Variants in PARP8 observed in about 807,000 individuals in gnomAD.
PARP8 encodes the protein poly(ADP-ribose) polymerase family member 8, also known as protein mono-ADP-ribosyltransferase PARP8.
PARP8 carries 51 observed loss-of-function variants against 124.1 expected under a neutral mutation model. The ratio of observed to expected loss-of-function variants is 0.41; its 90% CI spans 0.33 to 0.52. The LOEUF is 0.52. PARP8 is among the 20% of genes least tolerant of loss of function. The pLI is 0.21. For synonymous variants in PARP8, 391 were observed against 361.5 expected (o/e 1.08, Z -0.93); for missense variants, 860 against 1,018.9 (o/e 0.84, Z 2.12).
chr5:50,701,710 A>G (rs1360947407), intron 2 of PARP8, among the ~76,000 whole-genome samples: 3 of 152,064 alleles, frequency 2.0e-5, no homozygotes, highest in Non-Finnish European at 2.9e-5. Context: ...AAAATAAACT[A>G]TTTGCTTTTC....
At chr5:50,669,162 A>T (rs931460354) in intron 2 of PARP8, 12 of 152,346 alleles carry the variant, frequency 7.9e-5, no homozygotes, top group African/African-American at 2.9e-4. Context: ...CCTAAGCCCC[A>T]GAATTAGCAC....
At chr5:50,750,619 T>G (rs1759135501) in intron 3 of PARP8, among the ~76,000 whole-genome samples, 1 of 152,136 alleles carries the variant, frequency 6.6e-6, no homozygotes, top group Non-Finnish European at 1.5e-5. Flanking sequence ...AGTTCATAGT[T>G]TGGTATGGAG....
At chr5:50,803,765 G>A (rs980888912) in intron 14 of PARP8, among the ~76,000 whole-genome samples, 3 of 152,058 alleles carry the variant, frequency 2.0e-5, no homozygotes, top group Admixed American at 1.3e-4. Flanking sequence ...TTTAAAGTTT[G>A]TGTCTAGTAA....
intron 2 of PARP8, among the ~76,000 whole-genome samples, chr5:50,676,348 T>A (rs1192614273): frequency 6.6e-6 from 1 of 152,272 alleles, no homozygotes; most frequent in African/African-American, 2.4e-5. Context: ...TTTGGTTAAC[T>A]GGCATTTGGC....
chr5:50,683,152 C>CCT (rs1751479371), intron 2 of PARP8, among the ~76,000 whole-genome samples: 1 of 152,096 alleles, frequency 6.6e-6, no homozygotes, highest in African/African-American at 2.4e-5. Flanking sequence ...AATTGGAAGC[C>CCT]CTCTACCTAG....
In PARP8 at chr5:50,666,686, G is replaced by A. The variant is rs2112159250; in HGVS notation, c.-410G>A. The A allele has an allele frequency of 5.4e-6, 1 of 184,556 alleles. No homozygotes were observed. The highest frequency in any genetic ancestry group is 2.4e-5 in the African/African-American group (1 of 41,888). The allele number at this position is 184,556 out of a possible 1,614,324, so 11.4% of individuals were successfully genotyped here. A position where few individuals can be genotyped will look rare whatever the true frequency, so the allele number is the denominator to read the frequency against. On this transcript the variant is annotated 5_prime_UTR_variant, in exon 1 of 26. Transcript: ENST00000281631. ...GAGGGGTGTGCGCGCGTGAGCCGGAGCGGGGCTCGCCCCTCGCCGGCGCCC... is the reference window on the plus strand; with the variant it reads ...GAGGGGTGTGCGCGCGTGAGCCGGAACGGGGCTCGCCCCTCGCCGGCGCCC...
chr5:50,693,131 A>AT (rs1752670517), intron 2 of PARP8, among the ~76,000 whole-genome samples: 1 of 152,188 alleles, frequency 6.6e-6, no homozygotes, highest in Non-Finnish European at 1.5e-5. Flanking sequence ...TGAAAGGTGT[A>AT]TTTTAAATGC....
chr5:50,681,815 C>T (rs1041002203), intron 2 of PARP8, among the ~76,000 whole-genome samples: 1 of 152,002 alleles, frequency 6.6e-6, no homozygotes, highest in South Asian at 2.1e-4. Context: ...GCACTTCAAG[C>T]CCTCATCTCT....
chr5:50,761,667 C>G (rs999483092), intron 5 of PARP8, among the ~76,000 whole-genome samples, 154 bp from the exon 6 acceptor site: 1 of 152,032 alleles, frequency 6.6e-6, no homozygotes, highest in African/African-American at 2.4e-5. Context: ...ATTTGTCTCC[C>G]ACTACCTTTT....
At chr5:50,718,747 T>G (rs1179311492) in intron 2 of PARP8, among the ~76,000 whole-genome samples, 1 of 152,080 alleles carries the variant, frequency 6.6e-6, no homozygotes, top group Non-Finnish European at 1.5e-5. Flanking sequence ...TACTTCCATA[T>G]CTTGGCTATT....
intron 25 of PARP8, 125 bp downstream of exon 25, chr5:50,835,140 A>G (rs1475671913): frequency 4.3e-6 from 3 of 691,216 alleles, no homozygotes; most frequent in African/African-American, 1.8e-5. Flanking sequence ...AACATCAACT[A>G]ATGTTTTTGT....
chr5:50,758,978 G>A, intron 3 of PARP8, among the ~76,000 whole-genome samples: 1 of 152,172 alleles, frequency 6.6e-6, no homozygotes, highest in Non-Finnish European at 1.5e-5. Context: ...ATAATTGTGA[G>A]ACTTTATCAA....
rs768257530 is a variant in PARP8 at position 50,759,692 on chromosome 5, T to G, written c.234T>G (p.Thr78=). Residue 78 remains threonine (T), a synonymous_variant, in exon 4 of 26, where the codon ACT becomes ACG. Coordinates refer to ENST00000281631, the MANE Select transcript of PARP8 (RefSeq NM_024615.4). The stretch of plus-strand genomic sequence containing the variant: ...AGAATGATGAAGATGTGCTAGTTAC[T>G]ACAGAGCCAATACCAGTAATTTTTC... The part of the protein sequence containing the change: ...SSENDEDVLV[T]TEPIPVIFHR... The G allele has an allele frequency of 2.5e-6, 4 of 1,581,780 alleles. No individual in the cohort carries two copies. Among genetic ancestry groups the G allele is most frequent in the Non-Finnish European group, 3.4e-6 (4 of 1,167,148 alleles).
At chr5:50,776,516 C>A (rs1318207465) in intron 7 of PARP8, among the ~76,000 whole-genome samples, 1 of 152,096 alleles carries the variant, frequency 6.6e-6, no homozygotes, top group Non-Finnish European at 1.5e-5. Context: ...AATACCTATG[C>A]AAATCATTTT....
chr5:50,745,106 T>C (rs1420281908), intron 2 of PARP8: 1 of 215,304 alleles, frequency 4.6e-6, no homozygotes, highest in East Asian at 9.6e-5. Context: ...ACTGAGAAAA[T>C]GCTGTCGCAC....
chr5:50,716,328 A>G (rs562490738), intron 2 of PARP8, among the ~76,000 whole-genome samples: 2 of 152,214 alleles, frequency 1.3e-5, no homozygotes, highest in South Asian at 2.1e-4. Context: ...TTAATGATCT[A>G]ATTGGCTTTT....
At chr5:50,827,119 A>G (rs961770585) in intron 19 of PARP8, among the ~76,000 whole-genome samples, 1 of 152,144 alleles carries the variant, frequency 6.6e-6, no homozygotes, top group African/African-American at 2.4e-5. Context: ...GTGCTTTATA[A>G]TCGTTGTCAG....
intron 2 of PARP8, among the ~76,000 whole-genome samples, chr5:50,732,915 G>A (rs947659314): frequency 2.0e-5 from 3 of 151,692 alleles, no homozygotes; most frequent in Non-Finnish European, 2.9e-5. Context: ...ACCGCGACCA[G>A]CCGTATCTTT....
At chr5:50,733,905 T>A (rs750758336) in intron 2 of PARP8, among the ~76,000 whole-genome samples, 5 of 152,178 alleles carry the variant, frequency 3.3e-5, no homozygotes, top group Admixed American at 6.6e-5. Flanking sequence ...CGTTCTCAAA[T>A]ACTGCACACT....
Sources: allele counts gnomAD v4.1 joint callset (sites outside exome capture counted in the v4.1 genomes callset), GRCh38; gene constraint gnomAD v4.1.1; transcripts MANE v1.5; gene names NCBI Gene and HGNC (gene_info 2026-07-23, HGNC 2026-07-21).